The following C1orf21 variants were observed in gnomAD, a reference collection of about 807,000 sequenced individuals.
The protein encoded by C1orf21 is chromosome 1 open reading frame 21.
C1orf21 carries 3 observed loss-of-function variants against 18.7 expected under a neutral mutation model. The observed-to-expected ratio is 0.16, with a 90% CI of 0.07 to 0.42. The LOEUF is 0.42. Ranked by LOEUF, C1orf21 falls within the 10% of genes least tolerant of loss-of-function variation. The pLI is 0.99. For synonymous variants in C1orf21, 41 were observed against 46.4 expected (o/e 0.88, Z 0.47); for missense variants, 104 against 143.6 (o/e 0.72, Z 1.41).
At chr1:184,447,451 G>C (rs1288774888) in intron 1 of C1orf21, among the ~76,000 whole-genome samples, 1 of 152,054 alleles carries the variant, frequency 6.6e-6, no homozygotes, top group East Asian at 1.9e-4. Flanking sequence ...TCACATGTCT[G>C]GTCCACAACT....
chr1:184,423,073 G>A (rs1309461457), intron 1 of C1orf21, among the ~76,000 whole-genome samples: 2 of 152,174 alleles, frequency 1.3e-5, no homozygotes, highest in Admixed American at 1.3e-4. Flanking sequence ...ACTTAATGGG[G>A]ACAATGAGTT....
chr1:184,498,014 C>T (rs1386753364), intron 2 of C1orf21, among the ~76,000 whole-genome samples: 3 of 152,178 alleles, frequency 2.0e-5, no homozygotes, highest in Non-Finnish European at 4.4e-5. Flanking sequence ...CCCTCCTGCT[C>T]AGCCTACTCT....
chr1:184,594,315 G>A (rs1462079233), intron 4 of C1orf21, among the ~76,000 whole-genome samples: 3 of 152,132 alleles, frequency 2.0e-5, no homozygotes, highest in Admixed American at 6.5e-5. Flanking sequence ...TTTTGCAGGG[G>A]AGGAAGAACT....
intron 1 of C1orf21, among the ~76,000 whole-genome samples, chr1:184,460,635 T>TTCC (rs1491212526): frequency 3.1e-5 from 3 of 96,020 alleles, no homozygotes; most frequent in Non-Finnish European, 4.8e-5. Flanking sequence ...CTTCTTCTTC[T>TTCC]TCTTCTTCTT....
rs1022142351 is a variant in C1orf21 at position 184,624,484 on chromosome 1, A to G, written c.*4928A>G. The G allele has an allele frequency of 2.6e-5, 4 of 152,206 alleles. No individual in the cohort carries two copies. 9.4% of individuals were successfully genotyped at this position (152,206 alleles called of 1,614,324 possible). ...CTGTGATTTCTTTCCTGGGTTCCCA[A>G]GTCTTGTTGTTTCATCACAAACTGT... On this transcript the variant is annotated 3_prime_UTR_variant, in exon 6 of 6. Transcript: ENST00000235307.
chr1:184,474,583 A>G (rs1001027424), intron 1 of C1orf21, among the ~76,000 whole-genome samples: 5 of 152,214 alleles, frequency 3.3e-5, no homozygotes, highest in Admixed American at 6.5e-5. Context: ...CATGGCTTCA[A>G]TTCTTCCCTT....
chr1:184,451,834 C>A lies in C1orf21; in HGVS notation c.-124-25552C>A, dbSNP rs533955986. Among the ~76,000 whole-genome samples, 17 of 152,292 alleles carry A rather than the reference C, an allele frequency of 1.1e-4. 1 individual carries two copies. In the South Asian group the frequency reaches 3.5e-3, roughly 32 times the overall value. The stretch of plus-strand genomic sequence containing the variant: ...TCACGAAAAGGGCATTAGCAAATTA[C>A]AAGCATCTGAAAGCTCAAGTTTTCC... On this transcript the variant is annotated intron_variant, in intron 1 of 5. Coordinates refer to ENST00000235307, the MANE Select transcript of C1orf21 (RefSeq NM_030806.4).
rs1284909143 is a variant in C1orf21 at position 184,410,638 on chromosome 1, TATATATATATATATATATATA to T, written c.-125+23271_-125+23291del. Among the ~76,000 whole-genome samples, 16 of 4,158 alleles carry T rather than the reference TATATATATATATATATATATA, an allele frequency of 3.8e-3. 3 individuals are homozygous for T. Among genetic ancestry groups the T allele is most frequent in the African/African-American group, 0.017 (3 of 178 alleles). 2.7% of individuals were successfully genotyped at this position (4,158 alleles called of 152,430 possible). On this transcript the variant is annotated intron_variant, in intron 1 of 5. Coordinates refer to ENST00000235307, the MANE Select transcript of C1orf21 (RefSeq NM_030806.4). ...TATATTATATATATATATATATATA[TATATATATATATATATATATA>T]TATATTTTTTTTTTTTTTTTTTGAG...
intron 3 of C1orf21, among the ~76,000 whole-genome samples, chr1:184,576,186 A>T (rs1206148648): frequency 1.3e-5 from 2 of 151,464 alleles, no homozygotes; most frequent in Non-Finnish European, 2.9e-5. Flanking sequence ...GTGCAGTAGT[A>T]CAATCTCGGC....
intron 2 of C1orf21, among the ~76,000 whole-genome samples, chr1:184,482,361 A>G (rs1657671390): frequency 6.6e-6 from 1 of 152,152 alleles, no homozygotes; most frequent in African/African-American, 2.4e-5. Flanking sequence ...AGAATGCTAC[A>G]TTTGCTGCCT....
chr1:184,573,093 G>GA (rs59372826), intron 3 of C1orf21, among the ~76,000 whole-genome samples: 3,201 of 151,752 alleles, frequency 0.021, 109 homozygotes, highest in African/African-American at 0.074. Context: ...TCTAATGGAG[G>GA]AAAAAAAACT....
At chr1:184,519,945 T>C (rs1376979710) in intron 3 of C1orf21, among the ~76,000 whole-genome samples, 2 of 152,216 alleles carry the variant, frequency 1.3e-5, no homozygotes, top group Non-Finnish European at 2.9e-5. Flanking sequence ...TTTATTCTTG[T>C]CATCCAGAAA....
intron 5 of C1orf21, among the ~76,000 whole-genome samples, chr1:184,614,071 G>A (rs1316475938): frequency 1.3e-5 from 2 of 152,152 alleles, no homozygotes; most frequent in Non-Finnish European, 2.9e-5. Flanking sequence ...AAGCACCGAG[G>A]CCCTTTGGTA....
chr1:184,391,533 G>A (rs1655970339), intron 1 of C1orf21, among the ~76,000 whole-genome samples: 1 of 152,140 alleles, frequency 6.6e-6, no homozygotes, highest in South Asian at 2.1e-4. Flanking sequence ...GTTAAGATCT[G>A]CAATGTGTCA....
chr1:184,583,341 C>T (rs1659305126), intron 3 of C1orf21, among the ~76,000 whole-genome samples: 1 of 152,202 alleles, frequency 6.6e-6, no homozygotes, highest in African/African-American at 2.4e-5. Flanking sequence ...AATAAAATTA[C>T]TTCAAGCAAA....
At chr1:184,466,030 A>AT (rs1553251563) in intron 1 of C1orf21, among the ~76,000 whole-genome samples, 7 of 152,012 alleles carry the variant, frequency 4.6e-5, no homozygotes, top group African/African-American at 1.7e-4. Context: ...TTCTCTAAGT[A>AT]CTTTTTGCTG....
At chr1:184,507,728 T>C in intron 3 of C1orf21, 46 bp downstream of exon 3, 1 of 1,484,884 alleles carries the variant, frequency 6.7e-7, no homozygotes, top group Non-Finnish European at 9.1e-7. Flanking sequence ...GGTGACACTA[T>C]TGTAATAAAA....
intron 2 of C1orf21, among the ~76,000 whole-genome samples, chr1:184,497,536 G>A (rs1028918877): frequency 1.3e-5 from 2 of 152,216 alleles, no homozygotes; most frequent in Non-Finnish European, 2.9e-5. Context: ...TGTGAGCACT[G>A]ATTTTGGGAG....
In C1orf21 at chr1:184,608,905, G is replaced by A. The variant is rs1407015989; in HGVS notation, c.327+10444G>A. On this transcript the variant is annotated intron_variant, in intron 5 of 5. Transcript: ENST00000235307. ...GTCCCAGATGCCCACTCCTTACTGC[G>A]CTCTGGGCCTCTCTCCTTCCTGTCT... Among the ~76,000 whole-genome samples the A allele has an allele frequency of 3.3e-5, 5 of 152,290 alleles. No homozygotes were observed. The East Asian group carries it at 5.8e-4, about 18-fold the overall frequency.
Sources: allele counts gnomAD v4.1 joint callset (sites outside exome capture counted in the v4.1 genomes callset), GRCh38; gene constraint gnomAD v4.1.1; transcripts MANE v1.5; gene names NCBI Gene and HGNC (gene_info 2026-07-23, HGNC 2026-07-21).